The following HSD17B4 variants were observed in gnomAD, a reference collection of about 807,000 sequenced individuals.
The protein encoded by HSD17B4 is peroxisomal multifunctional enzyme type 2.
In HSD17B4, 70 loss-of-function variants were observed where a neutral mutation model predicts 101.0. The observed-to-expected ratio is 0.69, with a 90% CI of 0.57 to 0.85. HSD17B4 has a LOEUF of 0.85. HSD17B4 is among the 40% of genes least tolerant of loss of function. HSD17B4 has a pLI of 0.00. For missense variants in HSD17B4, 984 were observed against 892.4 expected (o/e 1.10, Z -1.31); for synonymous variants, 347 against 297.1 (o/e 1.17, Z -1.73).
At chr5:119,518,618 C>T (rs576069354) in intron 17 of HSD17B4, among the ~76,000 whole-genome samples, 2 of 152,204 alleles carry the variant, frequency 1.3e-5, no homozygotes, top group South Asian at 4.1e-4. Context: ...AGAGCATTCA[C>T]ATTGGAGACT....
intron 17 of HSD17B4, 58 bp from the exon 18 acceptor site, chr5:119,525,158 C>T: frequency 8.6e-7 from 1 of 1,163,352 alleles, no homozygotes; most frequent in Non-Finnish European, 1.3e-6. Context: ...TCCTATTTTT[C>T]ATTTAATGTA....
At chr5:119,516,016 T>TA (rs1159736860) in intron 17 of HSD17B4, among the ~76,000 whole-genome samples, 1 of 152,188 alleles carries the variant, frequency 6.6e-6, no homozygotes, top group Admixed American at 6.5e-5. Context: ...ACTTAAAAGT[T>TA]AAAAAATTTT....
intron 6 of HSD17B4, among the ~76,000 whole-genome samples, chr5:119,476,185 C>T (rs945054874): frequency 1.7e-4 from 26 of 152,120 alleles, no homozygotes; most frequent in Non-Finnish European, 3.5e-4. Flanking sequence ...TAACTCTTAA[C>T]AGCCTTTAAC....
chr5:119,513,389 C>CT (rs1436948081), intron 16 of HSD17B4, among the ~76,000 whole-genome samples: 1 of 151,808 alleles, frequency 6.6e-6, no homozygotes, highest in Non-Finnish European at 1.5e-5. Context: ...TTTCTTTGTT[C>CT]TTTTTTCTTT....
intron 15 of HSD17B4, among the ~76,000 whole-genome samples, chr5:119,508,854 G>A (rs1187978319): frequency 6.6e-6 from 1 of 152,204 alleles, no homozygotes; most frequent in East Asian, 1.9e-4. Context: ...AAATAATTGG[G>A]ATCTGAATAG....
chr5:119,530,845 C>CAAAAAAAAAAAAAA (rs11423247), intron 21 of HSD17B4, among the ~76,000 whole-genome samples: 4 of 56,330 alleles, frequency 7.1e-5, no homozygotes, highest in African/African-American at 2.7e-4. Flanking sequence ...AAGTCTGTCT[C>CAAAAAAAAAAAAAA]AAAAAAAAAA....
chr5:119,488,155 A>G (rs1471934725), intron 8 of HSD17B4, among the ~76,000 whole-genome samples: 1 of 152,162 alleles, frequency 6.6e-6, no homozygotes, highest in Non-Finnish European at 1.5e-5. Flanking sequence ...GAGCCTTGGA[A>G]CAACTTGGTG....
intron 22 of HSD17B4, among the ~76,000 whole-genome samples, chr5:119,533,489 T>C (rs1370294360): frequency 2.6e-5 from 4 of 152,022 alleles, no homozygotes. Flanking sequence ...AGCTACTGAT[T>C]ATGTCTAAAA....
At chr5:119,457,449 C>T (rs909191815) in intron 2 of HSD17B4, among the ~76,000 whole-genome samples, 1 of 152,216 alleles carries the variant, frequency 6.6e-6, no homozygotes, top group African/African-American at 2.4e-5. Flanking sequence ...GGATGTGTAG[C>T]TTATCTTTAT....
intron 2 of HSD17B4, among the ~76,000 whole-genome samples, chr5:119,458,925 T>C (rs1416235406): frequency 1.3e-5 from 2 of 152,166 alleles, no homozygotes; most frequent in South Asian, 2.1e-4. Flanking sequence ...GTAAGTTTTA[T>C]TTTGAGGACA....
intron 19 of HSD17B4, among the ~76,000 whole-genome samples, chr5:119,526,395 A>G (rs1014222059): frequency 1.3e-5 from 2 of 151,866 alleles, no homozygotes; most frequent in African/African-American, 2.4e-5. Flanking sequence ...ATTAAGTCCA[A>G]TAAACATACA....
At chr5:119,518,391 A>T (rs889679170) in intron 17 of HSD17B4, among the ~76,000 whole-genome samples, 1 of 152,050 alleles carries the variant, frequency 6.6e-6, no homozygotes, top group African/African-American at 2.4e-5. Context: ...GAGCTGTAAC[A>T]CTCACTGTGA....
chr5:119,501,548 A>G (rs1218592156), intron 13 of HSD17B4, among the ~76,000 whole-genome samples: 1 of 152,106 alleles, frequency 6.6e-6, no homozygotes, highest in African/African-American at 2.4e-5. Context: ...GTATTATAAG[A>G]AAGGGATATT....
In HSD17B4 at chr5:119,474,434, C is replaced by T. The variant is rs2126684371; in HGVS notation, c.254C>T (p.Thr85Ile). 6.2e-7 allele frequency: 1 copy of T among 1,609,770 alleles called. No individual in the cohort carries two copies. The stretch of plus-strand genomic sequence containing the variant: ...GAAGAAGGAGAGAAGGTTGTGAAGA[C>T]AGCCCTGGATGCTTTTGGAAGAATA... ...SVEEGEKVVKTALDAFGRIDV... is the reference protein window; with the variant it reads ...SVEEGEKVVKIALDAFGRIDV... Residue 85 changes from threonine (T) to isoleucine (I), a missense_variant, in exon 4 of 24, where the codon ACA becomes ATA. Coordinates refer to ENST00000510025, the MANE Select transcript of HSD17B4 (RefSeq NM_000414.4).
chr5:119,495,136 A>G (rs1303860060), intron 11 of HSD17B4, among the ~76,000 whole-genome samples: 1 of 151,900 alleles, frequency 6.6e-6, no homozygotes, highest in African/African-American at 2.4e-5. Flanking sequence ...CATGATTGTT[A>G]TGTCATAAAT....
At chr5:119,524,757 C>T (rs1380040192) in intron 17 of HSD17B4, among the ~76,000 whole-genome samples, 1 of 152,048 alleles carries the variant, frequency 6.6e-6, no homozygotes, top group Non-Finnish European at 1.5e-5. Flanking sequence ...ATTTAGTGTA[C>T]CAGCAGAATG....
At chr5:119,513,192 G>A (rs900803260) in intron 16 of HSD17B4, among the ~76,000 whole-genome samples, 2 of 152,148 alleles carry the variant, frequency 1.3e-5, no homozygotes, top group African/African-American at 2.4e-5. Context: ...AAGGCAAGTT[G>A]TGCAATGCAG....
At chr5:119,457,147 C>T (rs941976864) in intron 2 of HSD17B4, among the ~76,000 whole-genome samples, 1 of 152,074 alleles carries the variant, frequency 6.6e-6, no homozygotes, top group Admixed American at 6.5e-5. Flanking sequence ...TTGGTGTGGA[C>T]ACAGAAACGA....
intron 16 of HSD17B4, among the ~76,000 whole-genome samples, chr5:119,512,075 T>C (rs185864514): frequency 2.0e-5 from 3 of 152,006 alleles, no homozygotes; most frequent in Non-Finnish European, 4.4e-5. Flanking sequence ...AGATGAAAAA[T>C]TTACTGTTGA....
Sources: gnomAD v4.1 joint callset for allele counts (sites outside exome capture counted in the v4.1 genomes callset) on GRCh38, gnomAD v4.1.1 for gene constraint, MANE v1.5 for transcripts, NCBI Gene and HGNC (gene_info 2026-07-23, HGNC 2026-07-21) for gene names.